The following EVC variants were observed in gnomAD, a reference collection of about 807,000 sequenced individuals.
The protein encoded by EVC is EvC ciliary complex subunit 1, also known as evC complex member EVC.
In EVC, 116 loss-of-function variants were observed where a neutral mutation model predicts 118.9. That is an observed-to-expected ratio of 0.98 (90% CI 0.84 to 1.14). The LOEUF (loss-of-function observed/expected upper bound fraction) is 1.14. Ranked by LOEUF, EVC falls within the 50% of genes most tolerant of loss-of-function variation. The pLI, the probability that EVC is intolerant of heterozygous loss-of-function variation, is 0.00. For synonymous variants in EVC, 619 were observed against 534.7 expected (o/e 1.16, Z -2.18); for missense variants, 1,401 against 1,246.4 (o/e 1.12, Z -1.87).
the EVC span, chr4:5,826,626 G>A: frequency 2.0e-5 from 3 of 152,342 alleles, no homozygotes; most frequent in East Asian, 3.9e-4. Flanking sequence ...GGTGACCTCA[G>A]GGATGGCCAA....
intron 5 of EVC, among the ~76,000 whole-genome samples, chr4:5,735,851 G>A (rs1346541887): frequency 6.6e-6 from 1 of 152,214 alleles, no homozygotes; most frequent in Non-Finnish European, 1.5e-5. Context: ...TGAAAGAGCT[G>A]CTTCCCAGCA....
At position 5,720,000 on chromosome 4, in the gene EVC, T is replaced by C. The variant is rs1724669311; in HGVS notation, c.300+627T>C. On this transcript the variant is annotated intron_variant, in intron 2 of 20. Transcript: ENST00000264956. This position sits in a 1 kb window ranked among gnomAD's most constrained non-coding sequence, Gnocchi z 4.7. Reference sequence around the variant, plus strand: ...ATTTTACTTCCTTTAATTAAATCTCTGGGGGTGGGGGTGCTGGGCCTCTGG... The same window carrying C: ...ATTTTACTTCCTTTAATTAAATCTCCGGGGGTGGGGGTGCTGGGCCTCTGG... Among the ~76,000 whole-genome samples, 1 of 152,132 alleles carries C rather than the reference T, an allele frequency of 6.6e-6. No homozygotes were observed. Among genetic ancestry groups the C allele is most frequent in the Non-Finnish European group, 1.5e-5 (1 of 68,000 alleles).
At chr4:5,828,621 T>C in the EVC span, 1 of 1,614,166 alleles carries the variant, frequency 6.2e-7, no homozygotes, top group East Asian at 2.2e-5. Flanking sequence ...TGACCACTAG[T>C]GGGGAGCCGT....
intron 5 of EVC, among the ~76,000 whole-genome samples, chr4:5,736,038 C>G (rs1727614110): frequency 6.6e-6 from 1 of 152,092 alleles, no homozygotes; most frequent in African/African-American, 2.4e-5. Context: ...ATCCCAGAAG[C>G]TTAGAACTCC....
At chr4:5,713,002 A>G (rs1455584309) in intron 1 of EVC, among the ~76,000 whole-genome samples, 1 of 152,204 alleles carries the variant, frequency 6.6e-6, no homozygotes, top group Non-Finnish European at 1.5e-5. Flanking sequence ...AAACAGTGGG[A>G]CTGAATTTCA....
chr4:5,815,221 G>T (rs149258954), downstream of EVC, among the ~76,000 whole-genome samples: 3 of 152,078 alleles, frequency 2.0e-5, no homozygotes, highest in African/African-American at 4.8e-5. Context: ...TCTCGGTGGG[G>T]TCTGTGCACA....
At chr4:5,825,602 G>A in the EVC span, 1 of 1,602,928 alleles carries the variant, frequency 6.2e-7, no homozygotes, top group Non-Finnish European at 8.5e-7. This position sits in a 1 kb window ranked among gnomAD's most constrained non-coding sequence, Gnocchi z 4.4. Context: ...GGTGTAGCTG[G>A]TACCTCGTAC....
chr4:5,747,866 C>A (rs1421086525), intron 7 of EVC, among the ~76,000 whole-genome samples: 2 of 152,214 alleles, frequency 1.3e-5, no homozygotes, highest in African/African-American at 4.8e-5. Flanking sequence ...GTGCAAGAGT[C>A]TGTAGGCTGG....
rs71599833 is a variant in EVC at position 5,811,854 on chromosome 4, G to C, written c.*817G>C. ...CACCGGTAGAGAAACTTCCAGACCA[G>C]CCCCTCACACCACAGCCAAGAGAAG... is the stretch of plus-strand genomic sequence containing the variant. On this transcript the variant is annotated 3_prime_UTR_variant, in exon 21 of 21. Transcript: ENST00000264956. 6.7e-6 allele frequency: 1 copy of C among 148,248 alleles called. No homozygotes were observed. Among genetic ancestry groups the C allele is most frequent in the Non-Finnish European group, 1.4e-5 (1 of 69,092 alleles). The allele number at this position is 148,248 out of a possible 1,614,324, so 9.2% of individuals were successfully genotyped here.
chr4:5,740,527 AC>A (rs1260637227), intron 5 of EVC, among the ~76,000 whole-genome samples: 1 of 152,022 alleles, frequency 6.6e-6, no homozygotes, highest in Non-Finnish European at 1.5e-5. Context: ...CAGGATTTAG[AC>A]CTAGGCAAAG....
At chr4:5,730,007 A>C (rs991722713) in intron 3 of EVC, among the ~76,000 whole-genome samples, 1 of 152,170 alleles carries the variant, frequency 6.6e-6, no homozygotes, top group Non-Finnish European at 1.5e-5. Flanking sequence ...AAAGTTTCCT[A>C]GTGAAATAAG....
At chr4:5,752,525 C>T in intron 8 of EVC, 1 of 468,426 alleles carries the variant, frequency 2.1e-6, no homozygotes. Context: ...GGCTTTTCCT[C>T]CTTGACCGTT....
At position 5,726,470 on chromosome 4, in the gene EVC, T is replaced by C. The variant is rs553599662; in HGVS notation, c.301-2837T>C. 2.6e-5 allele frequency among the ~76,000 whole-genome samples: 4 copies of C among 152,254 alleles called. No individual in the cohort carries two copies. In the South Asian group the frequency reaches 6.2e-4, roughly 24 times the overall value. Reference sequence around the variant, plus strand: ...GCCATGGATAAGTCCATCCAGCTTCTTATTAATGAGTCAGGGGAGGTGATT... The same window carrying C: ...GCCATGGATAAGTCCATCCAGCTTCCTATTAATGAGTCAGGGGAGGTGATT... On this transcript the variant is annotated intron_variant, in intron 2 of 20. Coordinates refer to ENST00000264956, the MANE Select transcript of EVC (RefSeq NM_153717.3).
chr4:5,768,482 C>G (rs1226303438), intron 11 of EVC, among the ~76,000 whole-genome samples: 1 of 152,050 alleles, frequency 6.6e-6, no homozygotes, highest in Non-Finnish European at 1.5e-5. Flanking sequence ...CCTAATAGGC[C>G]TTCATATGAA....
At chr4:5,818,759 C>T (rs550521569), downstream of EVC, among the ~76,000 whole-genome samples, 3 of 152,296 alleles carry the variant, frequency 2.0e-5, no homozygotes, top group Admixed American at 1.3e-4. Context: ...CAGCACCACC[C>T]CAACCTTGGA....
At chr4:5,730,438 A>G (rs1393405579) in intron 3 of EVC, among the ~76,000 whole-genome samples, 2 of 144,862 alleles carry the variant, frequency 1.4e-5, no homozygotes, top group Non-Finnish European at 1.5e-5. Flanking sequence ...GTTCCCTGGA[A>G]CCCACATTGG....
chr4:5,773,109 G>A (rs963656252), intron 11 of EVC, among the ~76,000 whole-genome samples: 11 of 152,164 alleles, frequency 7.2e-5, no homozygotes, highest in African/African-American at 1.9e-4. Context: ...CCTTGCCTGC[G>A]GTAGGTGCCA....
intron 1 of EVC, among the ~76,000 whole-genome samples, chr4:5,714,413 G>A (rs975279924): frequency 1.2e-4 from 18 of 151,364 alleles, no homozygotes; most frequent in African/African-American, 4.4e-4. Flanking sequence ...TCTCAACAGT[G>A]GCCTTGTTAA....
At chr4:5,712,159 C>T (rs924142368) in intron 1 of EVC, among the ~76,000 whole-genome samples, 6 of 152,182 alleles carry the variant, frequency 3.9e-5, no homozygotes, top group Non-Finnish European at 5.9e-5. Context: ...GTTATGACAC[C>T]GCATGGGGAG....
Sources: allele counts gnomAD v4.1 joint callset (sites outside exome capture counted in the v4.1 genomes callset), GRCh38; gene constraint gnomAD v4.1.1; non-coding constraint Gnocchi (gnomAD v3.1); transcripts MANE v1.5; gene names NCBI Gene and HGNC (gene_info 2026-07-23, HGNC 2026-07-21).